Variants in PTPRD observed in about 807,000 individuals in gnomAD.
PTPRD encodes receptor-type tyrosine-protein phosphatase delta.
In PTPRD, 34 loss-of-function variants were observed where a neutral mutation model predicts 214.5. The ratio of observed to expected loss-of-function variants is 0.16; its 90% confidence interval spans 0.12 to 0.21. PTPRD has a LOEUF of 0.21. Among genes scored for constraint, PTPRD ranks in the 10% least tolerant of loss-of-function variants. PTPRD has a pLI of 1.00. For synonymous variants in PTPRD, 1,128 were observed against 845.7 expected (o/e 1.33, Z -5.79); for missense variants, 2,545 against 2,398.7 (o/e 1.06, Z -1.27).
chr9:9,193,431 G>A (rs1465810827), intron 9 of PTPRD, among the ~76,000 whole-genome samples: 2 of 152,072 alleles, frequency 1.3e-5, no homozygotes, highest in African/African-American at 2.4e-5. Flanking sequence ...ATCACTTGAT[G>A]ATAGGAATAC....
At chr9:10,213,020 G>C (rs1218703613) in intron 3 of PTPRD, among the ~76,000 whole-genome samples, 1 of 151,994 alleles carries the variant, frequency 6.6e-6, no homozygotes, top group Non-Finnish European at 1.5e-5. Flanking sequence ...TCATTGTTTG[G>C]CTTTTAAAAA....
At chr9:10,037,678 A>C (rs1014425884) in intron 3 of PTPRD, among the ~76,000 whole-genome samples, 3 of 151,900 alleles carry the variant, frequency 2.0e-5, no homozygotes, top group Non-Finnish European at 4.4e-5. Context: ...ATGGGAATTG[A>C]CTACTAATAT....
At chr9:10,361,345 G>C (rs2097385803) in intron 2 of PTPRD, among the ~76,000 whole-genome samples, 1 of 152,148 alleles carries the variant, frequency 6.6e-6, no homozygotes, top group Non-Finnish European at 1.5e-5. Context: ...ACCCCCTGGT[G>C]TTATCGAAAT....
intron 5 of PTPRD, among the ~76,000 whole-genome samples, chr9:9,819,055 G>A (rs377568337): frequency 1.3e-5 from 2 of 151,838 alleles, no homozygotes; most frequent in Non-Finnish European, 2.9e-5. Flanking sequence ...AGATACTGTC[G>A]AAATGTTCCC....
chr9:9,017,093 C>A (rs980348868), intron 11 of PTPRD, among the ~76,000 whole-genome samples: 2 of 151,850 alleles, frequency 1.3e-5, no homozygotes, highest in African/African-American at 4.8e-5. Flanking sequence ...CAAGACACTG[C>A]GACTATTAGT....
intron 7 of PTPRD, among the ~76,000 whole-genome samples, chr9:9,601,152 T>TGTGTGG (rs1554681731): frequency 3.0e-5 from 2 of 67,210 alleles, no homozygotes; most frequent in Non-Finnish European, 5.4e-5. Flanking sequence ...TGTGTGTGTA[T>TGTGTGG]GGGGGGGGGA....
rs991118607 is a variant in PTPRD at position 8,384,773 on chromosome 9, G to A, written c.4386+4459C>T. On this transcript the variant is annotated intron_variant, in intron 37 of 45. Coordinates refer to ENST00000381196, the MANE Select transcript of PTPRD (RefSeq NM_002839.4). ...ACTCCTGACCTCAGGTGATCTGCCC[G>A]CCTTGGCCTCTCAAAACGCTGAGAT... Among the ~76,000 whole-genome samples the A allele has an allele frequency of 2.0e-5, 3 of 152,264 alleles. No individual in the cohort carries two copies. The South Asian group carries it at 6.2e-4, about 32-fold the overall frequency.
chr9:9,021,122 T>G (rs2099568308), intron 10 of PTPRD, among the ~76,000 whole-genome samples: 1 of 152,184 alleles, frequency 6.6e-6, no homozygotes, highest in Non-Finnish European at 1.5e-5. Context: ...TTTAAATCAC[T>G]TCATCTAAAG....
chr9:9,259,935 G>C (rs1569565924), intron 9 of PTPRD, among the ~76,000 whole-genome samples: 1 of 151,860 alleles, frequency 6.6e-6, no homozygotes, highest in East Asian at 2.0e-4. Flanking sequence ...CATCAACCTT[G>C]TGGCCTTAGC....
chr9:9,902,840 G>C (rs140966221), intron 5 of PTPRD, among the ~76,000 whole-genome samples: 35 of 152,166 alleles, frequency 2.3e-4, no homozygotes, highest in African/African-American at 7.9e-4. Flanking sequence ...TATGAATTGC[G>C]TTTGGACATT....
intron 11 of PTPRD, among the ~76,000 whole-genome samples, chr9:8,756,498 G>A (rs1202924439): frequency 3.3e-5 from 5 of 152,130 alleles, no homozygotes; most frequent in Non-Finnish European, 7.4e-5. Context: ...CAGATCAAAG[G>A]AGACTGTGGT....
At position 8,563,711 on chromosome 9, in the gene PTPRD, G is replaced by C. The variant is rs548657447; in HGVS notation, c.353-34932C>G. The stretch of plus-strand genomic sequence containing the variant: ...TGGCCTCCCTCTGTCACCCAGGCTG[G>C]AACGCAGTGGCACAATCTCAGCTCA... On this transcript the variant is annotated intron_variant, in intron 14 of 45. Coordinates refer to ENST00000381196, the MANE Select transcript of PTPRD (RefSeq NM_002839.4). Among the ~76,000 whole-genome samples the C allele has an allele frequency of 4.6e-5, 7 of 152,174 alleles. No individual in the cohort carries two copies. The East Asian group carries it at 1.4e-3, about 30-fold the overall frequency.
intron 11 of PTPRD, among the ~76,000 whole-genome samples, chr9:8,957,832 G>C (rs2099139190): frequency 1.3e-5 from 2 of 151,594 alleles, no homozygotes. Context: ...CTGAATTCCA[G>C]TGCCAGAATT....
intron 7 of PTPRD, among the ~76,000 whole-genome samples, chr9:9,687,762 G>C (rs537827361): frequency 6.6e-6 from 1 of 151,706 alleles, no homozygotes; most frequent in East Asian, 1.9e-4. Flanking sequence ...ACAAAATGTT[G>C]ATAACAATAA....
At chr9:8,969,590 T>C (rs77651289) in intron 11 of PTPRD, among the ~76,000 whole-genome samples, 22,024 of 151,988 alleles carry the variant, frequency 0.14, 2,156 homozygotes, top group Non-Finnish European at 0.22. Context: ...AGATACAGAA[T>C]GAGTTCTATG....
chr9:9,491,978 A>G (rs192878908), intron 8 of PTPRD, among the ~76,000 whole-genome samples: 195 of 152,080 alleles, frequency 1.3e-3, no homozygotes, highest in African/African-American at 4.4e-3. Flanking sequence ...AGGATTTTTT[A>G]AACTGACAAA....
chr9:9,441,666 T>C (rs1195215310), intron 8 of PTPRD, among the ~76,000 whole-genome samples: 1 of 152,116 alleles, frequency 6.6e-6, no homozygotes, highest in Non-Finnish European at 1.5e-5. Flanking sequence ...TCTGAATCAA[T>C]GAGGCCACTT....
intron 2 of PTPRD, among the ~76,000 whole-genome samples, chr9:10,605,029 G>C (rs1295684174): frequency 6.6e-6 from 1 of 151,728 alleles, no homozygotes; most frequent in African/African-American, 2.4e-5. Flanking sequence ...TTTTTTAAGA[G>C]AAATCAAGAC....
At chr9:10,446,842 G>C (rs2098803531) in intron 2 of PTPRD, among the ~76,000 whole-genome samples, 1 of 152,106 alleles carries the variant, frequency 6.6e-6, no homozygotes. Flanking sequence ...ATGCAAAAAG[G>C]TTTTCAGAAA....
Sources: allele counts gnomAD v4.1 joint callset (sites outside exome capture counted in the v4.1 genomes callset), GRCh38; gene constraint gnomAD v4.1.1; transcripts MANE v1.5; gene names NCBI Gene and HGNC (gene_info 2026-07-23, HGNC 2026-07-21).